ENPP3: variants seen among roughly 807,000 people sequenced by gnomAD.
The protein encoded by ENPP3 is ectonucleotide pyrophosphatase/phosphodiesterase 3.
Under a neutral mutation model 117.8 loss-of-function variants are expected in ENPP3, and 104 were observed. The observed-to-expected ratio is 0.88, with a 90% confidence interval of 0.75 to 1.04. The LOEUF (loss-of-function observed/expected upper bound fraction) is 1.04. Among genes scored for constraint, ENPP3 ranks in the 50% least tolerant of loss-of-function variants. ENPP3 has a pLI of 0.00. For synonymous variants in ENPP3, 380 were observed against 349.9 expected (o/e 1.09, Z -0.96); for missense variants, 1,026 against 1,051.9 (o/e 0.98, Z 0.34).
At chr6:131,673,115 A>C (rs879714120) in intron 7 of ENPP3, among the ~76,000 whole-genome samples, 1 of 152,252 alleles carries the variant, frequency 6.6e-6, no homozygotes, top group African/African-American at 2.4e-5. Flanking sequence ...TAAGCACACA[A>C]AAGTTATATT....
chr6:131,679,038 T>TC (rs1778956889), intron 11 of ENPP3, among the ~76,000 whole-genome samples: 1 of 109,344 alleles, frequency 9.1e-6, no homozygotes, highest in African/African-American at 4.9e-5. Context: ...TCTTTCTTTC[T>TC]TTCTTTCTTT....
chr6:131,718,913 C>T (rs967623477), intron 16 of ENPP3, among the ~76,000 whole-genome samples, 175 bp downstream of exon 16: 3 of 152,018 alleles, frequency 2.0e-5, no homozygotes, highest in African/African-American at 4.8e-5. Flanking sequence ...TTATTGCACA[C>T]CTATTTTATT....
At chr6:131,670,570 C>T (rs372897317) in intron 6 of ENPP3, among the ~76,000 whole-genome samples, 4 of 152,176 alleles carry the variant, frequency 2.6e-5, no homozygotes, top group East Asian at 3.9e-4. Context: ...AGCTCACTGC[C>T]GTCTCCATCT....
intron 2 of ENPP3, among the ~76,000 whole-genome samples, chr6:131,645,531 C>G (rs1030195520): frequency 6.6e-6 from 1 of 152,124 alleles, no homozygotes; most frequent in Non-Finnish European, 1.5e-5. Flanking sequence ...TTTAAAATCT[C>G]TTTCTTCTTG....
At chr6:131,746,219 T>G (rs1780632425) in intron 24 of ENPP3, among the ~76,000 whole-genome samples, 1 of 152,106 alleles carries the variant, frequency 6.6e-6, no homozygotes, top group Non-Finnish European at 1.5e-5. Context: ...GTAACAAAAA[T>G]TTTATCAATA....
At chr6:131,669,655 C>CAAAAAAAAA (rs67597128) in intron 6 of ENPP3, among the ~76,000 whole-genome samples, 32 of 61,704 alleles carry the variant, frequency 5.2e-4, no homozygotes, top group East Asian at 6.3e-4. Flanking sequence ...GACTCCATCT[C>CAAAAAAAAA]AAAAAAAAAA....
chr6:131,697,531 A>G (rs1779434724), intron 15 of ENPP3, among the ~76,000 whole-genome samples: 1 of 151,868 alleles, frequency 6.6e-6, no homozygotes, highest in Admixed American at 6.6e-5. Context: ...AAATAATTAT[A>G]CAACTCGTTA....
intron 15 of ENPP3, among the ~76,000 whole-genome samples, chr6:131,695,065 A>T (rs1449452983): frequency 1.3e-5 from 2 of 151,888 alleles, no homozygotes; most frequent in Admixed American, 6.6e-5. Context: ...ATCGAAGTTT[A>T]TTAGCCCTTT....
At chr6:131,678,903 TTC>T (rs772987004) in intron 11 of ENPP3, among the ~76,000 whole-genome samples, 3 of 143,216 alleles carry the variant, frequency 2.1e-5, no homozygotes, top group South Asian at 2.3e-4. Flanking sequence ...CTTTCTTTCT[TTC>T]TCTCTTTCTT....
chr6:131,687,003 G>A (rs1779167965), intron 14 of ENPP3, among the ~76,000 whole-genome samples: 1 of 152,168 alleles, frequency 6.6e-6, no homozygotes, highest in Non-Finnish European at 1.5e-5. Context: ...TTGGTAGAAT[G>A]TTTTATTTTG....
intron 9 of ENPP3, 177 bp downstream of exon 9, chr6:131,675,366 G>A (rs1778844274): frequency 3.6e-6 from 2 of 559,390 alleles, no homozygotes; most frequent in Non-Finnish European, 6.4e-6. Flanking sequence ...GCTTTTGGCT[G>A]TAATTAAAAA....
chr6:131,722,989 C>T (rs2114533546), intron 18 of ENPP3, among the ~76,000 whole-genome samples: 1 of 152,214 alleles, frequency 6.6e-6, no homozygotes, highest in East Asian at 1.9e-4. Flanking sequence ...AGGAGAGGCC[C>T]CAAGGGCAAG....
intron 2 of ENPP3, among the ~76,000 whole-genome samples, chr6:131,646,744 CTT>C (rs60833768): frequency 0.27 from 35,359 of 128,724 alleles, 5,180 homozygotes; most frequent in African/African-American, 0.42. Flanking sequence ...AAGCTCTTGG[CTT>C]TTTTTTTTTT....
Position 131,674,299 on chromosome 6 carries a change from C to T in ENPP3, c.762+18C>T, listed in dbSNP as rs376637509. 1.6e-5 allele frequency: 26 copies of T among 1,612,418 alleles called. No homozygotes were observed. The highest frequency in any genetic ancestry group is 5.3e-5 in the African/African-American group (4 of 74,866). On this transcript the variant is annotated intron_variant, in intron 8 of 24. Coordinates refer to ENST00000357639, the MANE Select transcript of ENPP3 (RefSeq NM_005021.5). ...GGCAACCAGTATGTAGCATTCTACA[C>T]GTCGCAACTGAAGTAACCTCCATTT...
Position 131,652,875 on chromosome 6 carries a change from T to C in ENPP3, c.448T>C (p.Ser150Pro), listed in dbSNP as rs2114318351. 1.2e-6 allele frequency: 2 copies of C among 1,612,508 alleles called. No individual in the cohort carries two copies. The highest frequency in any genetic ancestry group is 2.2e-5 in the East Asian group (1 of 44,876). The change falls in exon 5 of 25, where the codon TCT (serine) becomes CCT (proline). Residue 150 changes from serine to proline, a missense_variant. Ser to Pro is a moderately conservative substitution (Grantham distance 74). Coordinates refer to ENST00000357639, the MANE Select transcript of ENPP3 (RefSeq NM_005021.5). Reference protein sequence around the residue: ...LEENCDTAQQSQCPEGFDLPP... With the variant: ...LEENCDTAQQPQCPEGFDLPP... ...AGAAAACTGTGACACAGCCCAGCAG[T>C]CTCAGTGCCCAGAAGGGTGAGCATG... is the stretch of plus-strand genomic sequence containing the variant.
At chr6:131,737,029 T>C (rs1480687906) in intron 21 of ENPP3, among the ~76,000 whole-genome samples, 1 of 152,172 alleles carries the variant, frequency 6.6e-6, no homozygotes, top group African/African-American at 2.4e-5. Flanking sequence ...AAGACACTAG[T>C]CACTGGATTT....
chr6:131,711,927 T>C lies in ENPP3; in HGVS notation c.1413-6745T>C, dbSNP rs1694087229. 1.5e-5 allele frequency among the ~76,000 whole-genome samples: 2 copies of C among 129,186 alleles called. 1 individual carries two copies. The highest frequency in any genetic ancestry group is 1.6e-4 in the Admixed American group (2 of 12,622). 84.8% of individuals were successfully genotyped at this position (129,186 alleles called of 152,430 possible). A position where few individuals can be genotyped will look rare whatever the true frequency, so the allele number is the denominator to read the frequency against. On this transcript the variant is annotated intron_variant, in intron 15 of 24. Transcript: ENST00000357639. ...TAGCAACCTTCTGTCATATTATGTC[T>C]CTTTACTCTATCAAATTTGTAGTAT...
chr6:131,674,934 A>T lies in ENPP3; in HGVS notation c.763-146A>T, dbSNP rs1778832923. The T allele has an allele frequency of 7.1e-6, 4 of 563,464 alleles. No individual in the cohort carries two copies. The South Asian group carries it at 9.3e-5, about 13-fold the overall frequency. The allele number at this position is 563,464 out of a possible 1,614,324, so 34.9% of individuals were successfully genotyped here. A position where few individuals can be genotyped will look rare whatever the true frequency, so the allele number is the denominator to read the frequency against. On this transcript the variant is annotated intron_variant, in intron 8 of 24. Transcript: ENST00000357639. ...TTTGATTTTTGAGGCAGATTCTTAG[A>T]TAATTATATCTTTTAATTACTACAA...
chr6:131,668,855 A>G (rs372393196), intron 6 of ENPP3, among the ~76,000 whole-genome samples: 23 of 152,140 alleles, frequency 1.5e-4, no homozygotes, highest in Non-Finnish European at 1.6e-4. Flanking sequence ...TAAATTATTC[A>G]TATTTGGAAG....
Sources: allele counts gnomAD v4.1 joint callset (sites outside exome capture counted in the v4.1 genomes callset), GRCh38; gene constraint gnomAD v4.1.1; transcripts MANE v1.5; gene names NCBI Gene and HGNC (gene_info 2026-07-23, HGNC 2026-07-21).